Variants in PARP1 observed in about 807,000 individuals in gnomAD.
The protein encoded by PARP1 is poly(ADP-ribose) polymerase 1, also known as poly [ADP-ribose] polymerase 1.
A neutral mutation model predicts 118.7 loss-of-function variants in PARP1; 44 were observed. The observed-to-expected ratio is 0.37, with a 90% CI of 0.29 to 0.48. The LOEUF is 0.48. Ranked by LOEUF, PARP1 falls within the 20% of genes least tolerant of loss-of-function variation. The probability of loss-of-function intolerance (pLI) is 0.99; values close to 1 mark genes in which losing one functional copy is unlikely to be tolerated. For missense variants in PARP1, 1,100 were observed against 1,272.4 expected (o/e 0.86, Z 2.06); for synonymous variants, 492 against 483.2 (o/e 1.02, Z -0.24).
chr1:226,401,878 G>T, intron 2 of PARP1: 1 of 962,396 alleles, frequency 1.0e-6, no homozygotes, highest in Non-Finnish European at 1.5e-6. Context: ...GGGAGGTGTT[G>T]ACAAGGAAGA....
intron 2 of PARP1, among the ~76,000 whole-genome samples, chr1:226,399,753 A>G (rs1664991942): frequency 6.6e-6 from 1 of 152,208 alleles, no homozygotes; most frequent in South Asian, 2.1e-4. Context: ...GTAGCTCATC[A>G]GCTATAACCA....
intron 4 of PARP1, 123 bp from the exon 5 acceptor site, chr1:226,388,878 G>GTCAC: frequency 5.0e-6 from 4 of 796,848 alleles, no homozygotes; most frequent in Non-Finnish European, 8.9e-6. Context: ...ACTCACACTT[G>GTCAC]TCACTCCCTA....
rs757112928 is a variant in PARP1 at position 226,377,218 on chromosome 1, T to G, written c.1831A>C (p.Ile611Leu). Residue 611 changes from isoleucine to leucine, a missense_variant, in exon 13 of 23, where the codon ATT becomes CTT. By Grantham distance (5) the Ile-to-Leu change is conservative. Coordinates refer to ENST00000366794, the MANE Select transcript of PARP1 (RefSeq NM_001618.4). Reference protein sequence around the residue: ...LEQMPSKEDAIEHFMKLYEEK... With the variant: ...LEQMPSKEDALEHFMKLYEEK... The stretch of plus-strand genomic sequence containing the variant: ...TCATATAATTTCATGAAGTGCTCAA[T>G]GGCATCCTCCTTGGACGGCATCTGT... The G allele has an allele frequency of 1.2e-6, 2 of 1,614,130 alleles. No homozygotes were observed. Among genetic ancestry groups the G allele is most frequent in the South Asian group, 2.2e-5 (2 of 91,078 alleles).
rs1209552622 is a variant in PARP1 at position 226,407,652 on chromosome 1, G to A, written c.120+158C>T. Among the ~76,000 whole-genome samples, 3 of 152,062 alleles carry A rather than the reference G, an allele frequency of 2.0e-5. No individual in the cohort carries two copies. In the East Asian group the frequency reaches 5.9e-4, roughly 30 times the overall value. ...ACCTTCCGGAAGGGTCGGCCGGGCC[G>A]CTCGGGAGGAGGGGCGGCCGCGGCC... On this transcript the variant is annotated intron_variant, in intron 1 of 22. Transcript: ENST00000366794.
chr1:226,380,004 T>A lies in PARP1; in HGVS notation c.1461A>T (p.Ala487=). Residue 487 remains alanine, a synonymous_variant, in exon 10 of 23, where the codon GCA becomes GCT. Coordinates refer to ENST00000366794, the MANE Select transcript of PARP1 (RefSeq NM_001618.4). ...TTGGGGCCACAACTTCAACAGGCTC[T>A]GCCTTCACCTCTGCCCCCCAAGGGG... ...ILSPWGAEVK[A]EPVEVVAPRG... 6.2e-7 allele frequency: 1 copy of A among 1,614,226 alleles called. No individual in the cohort carries two copies. The highest frequency in any genetic ancestry group is 1.1e-5 in the South Asian group (1 of 91,082).
chr1:226,365,933 G>A, intron 18 of PARP1, 21 bp downstream of exon 18: 5 of 1,510,618 alleles, frequency 3.3e-6, no homozygotes, highest in East Asian at 4.5e-5. Context: ...AGAAGGAAGT[G>A]GGGGAAGAAG....
chr1:226,390,287 C>T, intron 4 of PARP1, 123 bp downstream of exon 4: 2 of 871,484 alleles, frequency 2.3e-6, no homozygotes, highest in Non-Finnish European at 3.8e-6. Context: ...CAGTTTGCAT[C>T]TCCCTGGCTT....
chr1:226,407,115 T>C lies in PARP1; in HGVS notation c.120+695A>G, dbSNP rs78971117. Among the ~76,000 whole-genome samples the C allele has an allele frequency of 4.6e-3, 693 of 152,082 alleles. 27 individuals carry two copies. The South Asian group carries it at 0.084, about 18-fold the overall frequency. Reference sequence around the variant, plus strand: ...GGCTCAGGAAACCTCAGAAGGGGATTCAATCTATCAAAAAGCCCACATGAG... The same window carrying C: ...GGCTCAGGAAACCTCAGAAGGGGATCCAATCTATCAAAAAGCCCACATGAG... On this transcript the variant is annotated intron_variant, in intron 1 of 22. Coordinates refer to ENST00000366794, the MANE Select transcript of PARP1 (RefSeq NM_001618.4).
In PARP1 at chr1:226,366,062, C is replaced by T. The variant is rs1211422156; in HGVS notation, c.2407-10G>A. 1.9e-6 allele frequency: 3 copies of T among 1,595,762 alleles called. No individual in the cohort carries two copies. Among genetic ancestry groups the T allele is most frequent in the East Asian group, 2.2e-5 (1 of 44,766 alleles). On this transcript the variant is annotated splice_polypyrimidine_tract_variant and intron_variant, in intron 17 of 22. Transcript: ENST00000366794. The stretch of plus-strand genomic sequence containing the variant: ...AATCTCTGTCAACCACCTGGATAAA[C>T]AGAATCTTGGGATTAGCACAAAAGA...
At chr1:226,364,528 C>A (rs1177432636) in intron 19 of PARP1, among the ~76,000 whole-genome samples, 3 of 152,244 alleles carry the variant, frequency 2.0e-5, no homozygotes, top group Admixed American at 6.5e-5. Flanking sequence ...TTAAACTTCT[C>A]TCCTCCTCAT....
At position 226,366,009 on chromosome 1, in the gene PARP1, T is replaced by C. The variant is rs775141487; in HGVS notation, c.2450A>G (p.Tyr817Cys). Residue 817 changes from tyrosine to cysteine, a missense_variant, in exon 18 of 23, where the codon TAT (tyrosine) becomes TGT (cysteine). This residue lies in a region of PARP1 where 948 missense variants were observed against 1,031.8 expected (regional missense o/e 0.92). Coordinates refer to ENST00000366794, the MANE Select transcript of PARP1 (RefSeq NM_001618.4). ...DSEEAEIIRK[Y>C]VKNTHATTHN... Reference sequence around the variant, plus strand: ...TGTGGTTGCATGAGTGTTCTTAACATACTTCCTGATGATCTCGGCTTCTTC... The same window carrying C: ...TGTGGTTGCATGAGTGTTCTTAACACACTTCCTGATGATCTCGGCTTCTTC... 5 of 1,613,636 alleles carry C rather than the reference T, an allele frequency of 3.1e-6. No homozygotes were observed. The highest frequency in any genetic ancestry group is 1.6e-4 in the Middle Eastern group (1 of 6,062).
In PARP1 at chr1:226,379,246, C is replaced by T. The variant is rs2102734788; in HGVS notation, c.1641G>A (p.Glu547=). ...TGGCACTGAAGACCTTCCCACCTTT[C>T]TCCAGGACATGCGCAGAGTGTTCCA... ...SGLEHSAHVL[E]KGGKVFSATL... Residue 547 remains glutamate, a synonymous_variant, in exon 12 of 23, where the codon GAG becomes GAA. Transcript: ENST00000366794. 1 of 1,614,266 alleles carries T rather than the reference C, an allele frequency of 6.2e-7. No homozygotes were observed. The highest frequency in any genetic ancestry group is 8.5e-7 in the Non-Finnish European group (1 of 1,180,044).
intron 15 of PARP1, 111 bp from the exon 16 acceptor site, chr1:226,368,432 G>A: frequency 7.2e-7 from 1 of 1,382,706 alleles, no homozygotes; most frequent in Non-Finnish European, 1.0e-6. Flanking sequence ...AAGTAGCGTG[G>A]TATGTGCACA....
chr1:226,407,008 AG>A (rs1665162501), intron 1 of PARP1, among the ~76,000 whole-genome samples: 1 of 152,196 alleles, frequency 6.6e-6, no homozygotes, highest in Non-Finnish European at 1.5e-5. Flanking sequence ...ATTAATACAA[AG>A]GTAGACATCG....
chr1:226,363,406 A>G (rs1664191941), intron 20 of PARP1, among the ~76,000 whole-genome samples: 1 of 152,144 alleles, frequency 6.6e-6, no homozygotes, highest in Non-Finnish European at 1.5e-5. Flanking sequence ...GCAAGGCCCT[A>G]TTTGGAGTGG....
In PARP1 at chr1:226,370,416, T is replaced by G; in HGVS notation, c.2154+18A>C. 6.2e-7 allele frequency: 1 copy of G among 1,601,048 alleles called. No individual in the cohort carries two copies. The highest frequency in any genetic ancestry group is 8.6e-7 in the Non-Finnish European group (1 of 1,168,096). On this transcript the variant is annotated intron_variant, in intron 15 of 22. Transcript: ENST00000366794. ...CCAGAGGAGGGTTCCAGGAGGCCCCTGGTAGCCCTGTGCTTACCTGCTGGA... is the reference window on the plus strand; with the variant it reads ...CCAGAGGAGGGTTCCAGGAGGCCCCGGGTAGCCCTGTGCTTACCTGCTGGA...
intron 5 of PARP1, 31 bp from the exon 6 acceptor site, chr1:226,386,473 A>G: frequency 7.3e-7 from 1 of 1,375,586 alleles, no homozygotes; most frequent in Non-Finnish European, 1.0e-6. Flanking sequence ...CTGAGAGGCT[A>G]GCTCTTTTCA....
At chr1:226,377,329 T>C in intron 12 of PARP1, 26 bp from the exon 13 acceptor site, 7 of 1,578,352 alleles carry the variant, frequency 4.4e-6, no homozygotes, top group Non-Finnish European at 6.1e-6. Context: ...GGGTGTCAGA[T>C]ACACATGTGT....
rs111290315 is a variant in PARP1, at chr1:226,390,322, G to C, written c.617+88C>G. Reference sequence around the variant, plus strand: ...TACTGACAGTCAGCGAAGGGAAACAGAGGAGTGGTATGGAACCTGTAGGGC... The same window carrying C: ...TACTGACAGTCAGCGAAGGGAAACACAGGAGTGGTATGGAACCTGTAGGGC... On this transcript the variant is annotated intron_variant, in intron 4 of 22. Transcript: ENST00000366794. 1.4e-3 allele frequency: 1,578 copies of C among 1,118,048 alleles called. 22 individuals are homozygous for C. The African/African-American group carries it at 0.022, about 15-fold the overall frequency. The allele number at this position is 1,118,048 out of a possible 1,614,324, so 69.3% of individuals were successfully genotyped here.
Sources: gnomAD v4.1 joint callset for allele counts (sites outside exome capture counted in the v4.1 genomes callset) on GRCh38, gnomAD v4.1.1 for gene constraint, gnomAD v4.1.1 regional missense constraint, MANE v1.5 for transcripts, NCBI Gene and HGNC (gene_info 2026-07-23, HGNC 2026-07-21) for gene names.